FOLH1: variants seen among roughly 807,000 people sequenced by gnomAD.
The protein encoded by FOLH1 is glutamate carboxypeptidase 2.
In FOLH1, 54 loss-of-function variants were observed where a neutral mutation model predicts 93.9. The ratio of observed to expected loss-of-function variants is 0.57; its 90% CI spans 0.46 to 0.72. The LOEUF is 0.72. Among genes scored for constraint, FOLH1 ranks in the 30% least tolerant of loss-of-function variants. The pLI is 0.00. For missense variants in FOLH1, 571 were observed against 892.5 expected, an observed-to-expected ratio of 0.64 and a Z score of 4.59; for synonymous variants, 249 against 303.6, an observed-to-expected ratio of 0.82 and a Z score of 1.87.
chr11:49,207,433 A>G (rs1352977229), intron 1 of FOLH1, among the ~76,000 whole-genome samples: 2 of 152,206 alleles, frequency 1.3e-5, no homozygotes, highest in Non-Finnish European at 2.9e-5. Flanking sequence ...GTTTAAACCC[A>G]TCTGGTCCAT....
chr11:49,206,005 C>A, intron 2 of FOLH1, 62 bp downstream of exon 2: 5 of 1,517,574 alleles, frequency 3.3e-6, no homozygotes, highest in Non-Finnish European at 4.4e-6. Context: ...AATATTGGAC[C>A]AAAACAGAAT....
At chr11:49,181,238 G>T (rs1860694648) in intron 7 of FOLH1, among the ~76,000 whole-genome samples, 1 of 151,616 alleles carries the variant, frequency 6.6e-6, no homozygotes, top group African/African-American at 2.4e-5. Flanking sequence ...CTCCTGAGTA[G>T]CTGGGACTAC....
At chr11:49,171,055 G>T (rs540540156) in intron 11 of FOLH1, 140 bp downstream of exon 11, 74 of 960,682 alleles carry the variant, frequency 7.7e-5, no homozygotes, top group African/African-American at 1.0e-4. Context: ...TTTTGAACAA[G>T]AATATGTTAC....
At chr11:49,179,690 T>A (rs1433293397) in intron 7 of FOLH1, among the ~76,000 whole-genome samples, 2 of 151,876 alleles carry the variant, frequency 1.3e-5, no homozygotes, top group Admixed American at 1.3e-4. Flanking sequence ...CTTAAGAAAC[T>A]GGACAAAGAA....
At chr11:49,161,637 G>T (rs372209277) in intron 13 of FOLH1, among the ~76,000 whole-genome samples, 1 of 152,142 alleles carries the variant, frequency 6.6e-6, no homozygotes, top group Non-Finnish European at 1.5e-5. Context: ...TATAAGATTA[G>T]AATTGAAATG....
chr11:49,191,730 C>T (rs1402469656), intron 4 of FOLH1, among the ~76,000 whole-genome samples: 2 of 133,934 alleles, frequency 1.5e-5, no homozygotes, highest in Non-Finnish European at 3.1e-5. Context: ...TGGAGTCTCG[C>T]TCTGTCACCT....
chr11:49,204,927 T>C (rs2135343354), intron 2 of FOLH1, among the ~76,000 whole-genome samples: 1 of 152,228 alleles, frequency 6.6e-6, no homozygotes, highest in East Asian at 1.9e-4. Context: ...GCAAGTATTC[T>C]GGGCTGGGTG....
chr11:49,185,579 A>G, intron 6 of FOLH1, 90 bp downstream of exon 6: 1 of 1,459,648 alleles, frequency 6.9e-7, no homozygotes, highest in Non-Finnish European at 9.3e-7. Context: ...AAAAAAAGAC[A>G]TGCTTAGTCC....
At chr11:49,174,087 G>A (rs1328077918) in intron 9 of FOLH1, among the ~76,000 whole-genome samples, 1 of 152,122 alleles carries the variant, frequency 6.6e-6, no homozygotes, top group Non-Finnish European at 1.5e-5. Flanking sequence ...TTTGTCTTGG[G>A]TCTGTGTCTT....
intron 6 of FOLH1, among the ~76,000 whole-genome samples, chr11:49,184,021 A>G (rs1317556918): frequency 6.6e-6 from 1 of 152,332 alleles, no homozygotes; most frequent in Non-Finnish European, 1.5e-5. Context: ...ACCTCAAAAT[A>G]AGCACACACA....
At chr11:49,167,839 CAGA>C (rs775209942) in intron 12 of FOLH1, among the ~76,000 whole-genome samples, 75 of 150,228 alleles carry the variant, frequency 5.0e-4, no homozygotes, top group Non-Finnish European at 6.4e-4. Flanking sequence ...AACAAAAAAA[CAGA>C]AGAAGAACAG....
chr11:49,207,948 C>CAAACAAAACAAAACAAAACAAAACA (rs74962694), intron 1 of FOLH1: 30 of 496,494 alleles, frequency 6.0e-5, no homozygotes, highest in African/African-American at 5.2e-4. Flanking sequence ...AACAAACAAA[C>CAAACAAAACAAAACAAAACAAAACA]AAACAAAACA....
At chr11:49,177,160 C>A (rs1366744086) in intron 7 of FOLH1, among the ~76,000 whole-genome samples, 1 of 152,212 alleles carries the variant, frequency 6.6e-6, no homozygotes, top group Non-Finnish European at 1.5e-5. Context: ...GTGGAAAATT[C>A]ATTAGAATTA....
At chr11:49,198,439 G>T (rs1354366509) in intron 3 of FOLH1, among the ~76,000 whole-genome samples, 2 of 150,698 alleles carry the variant, frequency 1.3e-5, no homozygotes, top group African/African-American at 4.9e-5. Flanking sequence ...CGGAGATACC[G>T]CCACTGCACT....
At chr11:49,205,120 C>T (rs1863752732) in intron 2 of FOLH1, among the ~76,000 whole-genome samples, 1 of 151,998 alleles carries the variant, frequency 6.6e-6, no homozygotes, top group East Asian at 1.9e-4. Context: ...ATGAGAATCG[C>T]TTGTACCTGG....
chr11:49,192,323 C>A (rs1312631734), intron 4 of FOLH1, among the ~76,000 whole-genome samples: 1 of 151,892 alleles, frequency 6.6e-6, no homozygotes, highest in African/African-American at 2.4e-5. Flanking sequence ...AATTTGACAA[C>A]GTCAAAATTA....
In FOLH1 at chr11:49,183,257, T is replaced by G. The variant is rs1035835299; in HGVS notation, c.827-15A>C. The G allele has an allele frequency of 5.6e-6, 9 of 1,595,114 alleles. No homozygotes were observed. Among genetic ancestry groups the G allele is most frequent in the Non-Finnish European group, 7.7e-6 (9 of 1,171,094 alleles). ...ATAAGCATATTCTGAAAAAAAAAATTGCCATATTTCCAGTAAAAACTCAGT... is the reference window on the plus strand; with the variant it reads ...ATAAGCATATTCTGAAAAAAAAAATGGCCATATTTCCAGTAAAAACTCAGT... On this transcript the variant is annotated splice_polypyrimidine_tract_variant and intron_variant, in intron 6 of 18. Transcript: ENST00000256999.
At position 49,146,442 on chromosome 11, in the gene FOLH1, A is replaced by T. The variant is rs1245727514; in HGVS notation, c.*314T>A. The stretch of plus-strand genomic sequence containing the variant: ...GATGTTTTCTTCTGTGTGAAGTGAC[A>T]TGAATAGATTAGACTTGATTCCCTG... On this transcript the variant is annotated 3_prime_UTR_variant, in exon 19 of 19. Transcript: ENST00000256999. Among the ~76,000 whole-genome samples the T allele has an allele frequency of 6.6e-6, 1 of 152,176 alleles. No homozygotes were observed. The highest frequency in any genetic ancestry group is 1.5e-5 in the Non-Finnish European group (1 of 68,034).
chr11:49,174,542 T>C (rs1859760077), intron 9 of FOLH1, among the ~76,000 whole-genome samples: 1 of 152,146 alleles, frequency 6.6e-6, no homozygotes, highest in Non-Finnish European at 1.5e-5. Context: ...ATAGTTATCA[T>C]GAAGATATTT....
Sources: allele counts gnomAD v4.1 joint callset (sites outside exome capture counted in the v4.1 genomes callset), GRCh38; gene constraint gnomAD v4.1.1; transcripts MANE v1.5; gene names NCBI Gene and HGNC (gene_info 2026-07-23, HGNC 2026-07-21).